MLPH: variants seen among roughly 807,000 people sequenced by gnomAD.
The protein encoded by MLPH is exophilin-3.
Under a neutral mutation model 72.1 loss-of-function variants are expected in MLPH, and 51 were observed. The observed-to-expected ratio is 0.71, with a 90% CI of 0.56 to 0.89. The LOEUF (loss-of-function observed/expected upper bound fraction) is 0.89. MLPH is among the 40% of genes least tolerant of loss of function. The probability of loss-of-function intolerance (pLI) is 0.00; values close to 1 mark genes in which losing one functional copy is unlikely to be tolerated. For synonymous variants in MLPH, 301 were observed against 310.1 expected (o/e 0.97, Z 0.31); for missense variants, 743 against 759.9 (o/e 0.98, Z 0.26).
At chr2:237,514,090 T>C (rs1408402059) in intron 4 of MLPH, among the ~76,000 whole-genome samples, 1 of 152,014 alleles carries the variant, frequency 6.6e-6, no homozygotes, top group Non-Finnish European at 1.5e-5. Flanking sequence ...GGAAAGAAGA[T>C]TATATAACAA....
At chr2:237,514,723 C>T (rs2079977404) in intron 4 of MLPH, among the ~76,000 whole-genome samples, 1 of 152,196 alleles carries the variant, frequency 6.6e-6, no homozygotes, top group African/African-American at 2.4e-5. Context: ...AGCTCAGACA[C>T]GGGCACCTGC....
At chr2:237,501,039 C>T (rs1048682898) in intron 2 of MLPH, among the ~76,000 whole-genome samples, 3 of 152,098 alleles carry the variant, frequency 2.0e-5, no homozygotes, top group Non-Finnish European at 1.5e-5. Context: ...ATCACATTTA[C>T]GATGAAATTC....
rs73999119 is a variant in MLPH at position 237,552,194 on chromosome 2, A to T, written c.1676-143A>T. On this transcript the variant is annotated intron_variant, in intron 14 of 15. Coordinates refer to ENST00000264605, the MANE Select transcript of MLPH (RefSeq NM_024101.7). ...GACAGCTGAAATGTAAATACTTTTT[A>T]AAAAATATGTGATGTGGAAGCTTCT... 13,544 of 661,472 alleles carry T rather than the reference A, an allele frequency of 0.02. 1,441 individuals carry two copies. The African/African-American group carries it at 0.22, about 11-fold the overall frequency. The allele number at this position is 661,472 out of a possible 1,614,324, so 41.0% of individuals were successfully genotyped here.
chr2:237,507,062 C>CTTTT (rs61091364), intron 2 of MLPH, among the ~76,000 whole-genome samples: 56 of 94,528 alleles, frequency 5.9e-4, no homozygotes, highest in Middle Eastern at 6.2e-3. Context: ...TTTTTTTTTT[C>CTTTT]TTTTTTTTTT....
intron 2 of MLPH, among the ~76,000 whole-genome samples, chr2:237,500,544 C>T (rs1274289535): frequency 6.6e-6 from 1 of 152,172 alleles, no homozygotes; most frequent in Non-Finnish European, 1.5e-5. Context: ...AACAATGAGT[C>T]CCAAGTTTAC....
chr2:237,540,464 A>AG lies in MLPH; in HGVS notation c.1222dup (p.Ala408GlyfsTer53). 3 of 1,613,116 alleles carry AG rather than the reference A, an allele frequency of 1.9e-6. No homozygotes were observed. Among genetic ancestry groups the AG allele is most frequent in the Non-Finnish European group, 2.5e-6 (3 of 1,179,856 alleles). On this transcript the variant is annotated frameshift_variant, in exon 10 of 16. Coordinates refer to ENST00000264605, the MANE Select transcript of MLPH (RefSeq NM_024101.7). LOFTEE classifies it high-confidence loss of function. Reference sequence around the variant, plus strand: ...AGGAGACCTCGTCCGAGGAGGAGGAAGCCAAGGACGAAAAGGCAGAGCCCA... The same window carrying AG: ...AGGAGACCTCGTCCGAGGAGGAGGAAGGCCAAGGACGAAAAGGCAGAGCCCA...
chr2:237,543,010 A>AGACAGTGGTGAGTGGGG (rs2080752008), intron 12 of MLPH, among the ~76,000 whole-genome samples: 1 of 15,878 alleles, frequency 6.3e-5, no homozygotes, highest in Non-Finnish European at 9.5e-5. Context: ...TGGTGAGTGG[A>AGACAGTGGTGAGTGGGG]GACAGTGGTG....
At chr2:237,486,855 C>T (rs944308063), upstream of MLPH, 8 of 152,190 alleles carry the variant, frequency 5.3e-5, no homozygotes, top group Non-Finnish European at 1.0e-4. Flanking sequence ...CTCAGTTTCC[C>T]CATTTGTAAA....
chr2:237,513,502 T>C (rs1027414078), intron 4 of MLPH, among the ~76,000 whole-genome samples: 2 of 152,208 alleles, frequency 1.3e-5, no homozygotes, highest in African/African-American at 4.8e-5. Flanking sequence ...CTATCAAGAG[T>C]GGTCAGAAAA....
At chr2:237,486,708 C>T (rs1358448080), upstream of MLPH, 1 of 152,260 alleles carries the variant, frequency 6.6e-6, no homozygotes, top group Non-Finnish European at 1.5e-5. Flanking sequence ...GCGGGACCCT[C>T]CTGGTCCTGA....
At chr2:237,534,519 A>C in intron 8 of MLPH, 45 bp from the exon 9 acceptor site, 1 of 1,504,934 alleles carries the variant, frequency 6.6e-7, no homozygotes, top group Non-Finnish European at 9.2e-7. Flanking sequence ...TGCTGGTTGG[A>C]GTGCACTGGG....
At chr2:237,502,332 C>T (rs10169944) in intron 2 of MLPH, among the ~76,000 whole-genome samples, 6,952 of 152,278 alleles carry the variant, frequency 0.046, 519 homozygotes, top group African/African-American at 0.16. Context: ...CTCCTTCTGT[C>T]CCCAGAAGAG....
intron 2 of MLPH, among the ~76,000 whole-genome samples, chr2:237,508,194 C>T (rs550157394): frequency 5.5e-4 from 84 of 152,310 alleles, no homozygotes; most frequent in African/African-American, 1.9e-3. Context: ...TCACTGCAAC[C>T]TCTGCTTCCC....
chr2:237,530,218 G>GAA (rs762072584), intron 8 of MLPH, among the ~76,000 whole-genome samples: 32,048 of 151,998 alleles, frequency 0.21, 4,641 homozygotes, highest in African/African-American at 0.41. Flanking sequence ...GTGGGCAACA[G>GAA]GAAGTATGCA....
At position 237,517,561 on chromosome 2, in the gene MLPH, G is replaced by GAGTA. The variant is rs1553596573; in HGVS notation, c.446-978_446-977insAGTA. ...TGGATGAATGCATTGGTGAGTGGAT[G>GAGTA]GGCAGCTGGGTGGATGGGTAGATGG... On this transcript the variant is annotated intron_variant, in intron 4 of 15. Transcript: ENST00000264605. Among the ~76,000 whole-genome samples, 199 of 151,304 alleles carry GAGTA rather than the reference G, an allele frequency of 1.3e-3. 1 individual carries two copies. The highest frequency in any genetic ancestry group is 4.6e-3 in the African/African-American group (190 of 41,262).
At chr2:237,519,741 C>A (rs1559353707) in intron 5 of MLPH, among the ~76,000 whole-genome samples, 169 bp from the exon 6 acceptor site, 1 of 152,176 alleles carries the variant, frequency 6.6e-6, no homozygotes, top group Admixed American at 6.5e-5. Context: ...CCAGCTCCCC[C>A]TCTGGGCTTG....
At chr2:237,490,923 T>G (rs1203642315) in intron 1 of MLPH, among the ~76,000 whole-genome samples, 1 of 152,226 alleles carries the variant, frequency 6.6e-6, no homozygotes, top group Non-Finnish European at 1.5e-5. Flanking sequence ...ACTTTATGTT[T>G]GAGAGTGGAA....
At chr2:237,489,928 C>T (rs2079394402) in intron 1 of MLPH, among the ~76,000 whole-genome samples, 1 of 152,230 alleles carries the variant, frequency 6.6e-6, no homozygotes, top group African/African-American at 2.4e-5. Context: ...ACTCTCTCCT[C>T]CCTGCCTATT....
At chr2:237,548,874 A>G (rs941388221) in intron 13 of MLPH, among the ~76,000 whole-genome samples, 13 of 152,164 alleles carry the variant, frequency 8.5e-5, no homozygotes, top group African/African-American at 3.1e-4. Flanking sequence ...GCGAGACTCC[A>G]TCTCAAACAA....
Sources: allele counts gnomAD v4.1 joint callset (sites outside exome capture counted in the v4.1 genomes callset), GRCh38; gene constraint gnomAD v4.1.1; transcripts MANE v1.5; gene names NCBI Gene and HGNC (gene_info 2026-07-23, HGNC 2026-07-21).